Variants in GFM2 observed in about 807,000 individuals in gnomAD.
GFM2 encodes the protein ribosome-releasing factor 2, mitochondrial.
A neutral mutation model predicts 95.4 loss-of-function variants in GFM2; 72 were observed. The ratio of observed to expected loss-of-function variants is 0.76; its 90% confidence interval spans 0.62 to 0.92. The LOEUF is 0.92. GFM2 is among the 40% of genes least tolerant of loss of function. The pLI, the probability that GFM2 is intolerant of heterozygous loss-of-function variation, is 0.00. For synonymous variants in GFM2, 276 were observed against 317.5 expected (o/e 0.87, Z 1.39); for missense variants, 825 against 924.1 (o/e 0.89, Z 1.39).
intron 10 of GFM2, among the ~76,000 whole-genome samples, chr5:74,744,316 G>A (rs1363754745): frequency 6.6e-6 from 1 of 151,606 alleles, no homozygotes; most frequent in Non-Finnish European, 1.5e-5. Context: ...ACATTCATGT[G>A]GTCTGTTGTT....
In GFM2 at chr5:74,726,096, C is replaced by G. The variant is rs753724363; in HGVS notation, c.1757G>C (p.Arg586Thr). The change falls in exon 18 of 21, where the codon AGG (arginine) becomes ACG (threonine). Residue 586 changes from arginine to threonine, a missense_variant. Physicochemically the swap from Arg to Thr is moderately conservative, Grantham distance 71 (BLOSUM62 -1). Coordinates refer to ENST00000296805, the MANE Select transcript of GFM2 (RefSeq NM_032380.5). ...DTLDRTLGDK[R>T]HLVTVEVEAR... is the part of the protein sequence containing the mutation. Reference sequence around the variant, plus strand: ...TTCCACTTCTACAGTCACAAGATGCCTTTTGTCTCCTAAAGTTCTATCTAA... The same window carrying G: ...TTCCACTTCTACAGTCACAAGATGCGTTTTGTCTCCTAAAGTTCTATCTAA... The G allele has an allele frequency of 1.2e-6, 2 of 1,610,178 alleles. No homozygotes were observed. The highest frequency in any genetic ancestry group is 8.5e-7 in the Non-Finnish European group (1 of 1,178,930).
intron 3 of GFM2, 27 bp from the exon 4 acceptor site, chr5:74,759,453 CTG>C: frequency 8.1e-7 from 1 of 1,229,392 alleles, no homozygotes; most frequent in Non-Finnish European, 1.2e-6. Context: ...TAAAATTGAA[CTG>C]TTACATTTAT....
chr5:74,754,204 C>A (rs548286696), intron 5 of GFM2, among the ~76,000 whole-genome samples: 23 of 151,644 alleles, frequency 1.5e-4, no homozygotes, highest in African/African-American at 5.6e-4. Flanking sequence ...ACAAGAACTA[C>A]TAAAAGCAGC....
Position 74,728,770 on chromosome 5 carries a change from T to TGAGA in GFM2, c.1726+1489_1726+1490insTCTC, listed in dbSNP as rs1554038334. Among the ~76,000 whole-genome samples the TGAGA allele has an allele frequency of 7.1e-4, 81 of 113,838 alleles. 1 individual carries two copies. The highest frequency in any genetic ancestry group is 9.5e-4 in the Non-Finnish European group (54 of 57,058). 74.7% of individuals were successfully genotyped at this position (113,838 alleles called of 152,430 possible). A position where few individuals can be genotyped will look rare whatever the true frequency, so the allele number is the denominator to read the frequency against. On this transcript the variant is annotated intron_variant, in intron 17 of 20. Coordinates refer to ENST00000296805, the MANE Select transcript of GFM2 (RefSeq NM_032380.5). Reference sequence around the variant, plus strand: ...TTTCTTTTTTTTTTTTTTTTTTTTTTTTTTGAGATGGCGTCTCACTCTGTT... The same window carrying TGAGA: ...TTTCTTTTTTTTTTTTTTTTTTTTTTGAGATTTTGAGATGGCGTCTCACTCTGTT...
chr5:74,725,606 C>T (rs1750108068), intron 19 of GFM2, 34 bp downstream of exon 19: 1 of 1,425,102 alleles, frequency 7.0e-7, no homozygotes. Flanking sequence ...AGAAGAGTCA[C>T]CTTAAAGCCA....
At chr5:74,763,871 C>A in intron 1 of GFM2, 105 bp from the exon 2 acceptor site, 2 of 562,854 alleles carry the variant, frequency 3.6e-6, no homozygotes, top group South Asian at 3.1e-5. Flanking sequence ...AAATGTATTA[C>A]TTTTAAAAAG....
In GFM2 at chr5:74,722,400, A is replaced by G; in HGVS notation, c.2190T>C (p.Phe730=). Residue 730 remains phenylalanine, a synonymous_variant, in exon 20 of 21, where the codon TTT becomes TTC. Transcript: ENST00000296805. The part of the protein sequence containing the change: ...TRQDNKVVIG[F]VPLAEIMGYS... ...CTACCATAATTTCTGCTAAGGGAAC[A>G]AATCCAATAACAACTTTGTTGTCCT... 6.2e-7 allele frequency: 1 copy of G among 1,613,826 alleles called. No individual in the cohort carries two copies. The highest frequency in any genetic ancestry group is 8.5e-7 in the Non-Finnish European group (1 of 1,179,882).
chr5:74,740,189 A>G (rs772416581), intron 11 of GFM2, 52 bp from the exon 12 acceptor site: 2 of 1,503,846 alleles, frequency 1.3e-6, no homozygotes, highest in African/African-American at 1.4e-5. Flanking sequence ...GGTCTTGGCG[A>G]GAAGCTCAAA....
intron 20 of GFM2, 104 bp downstream of exon 20, chr5:74,722,275 T>A (rs1749931262): frequency 1.1e-6 from 1 of 939,704 alleles, no homozygotes; most frequent in Non-Finnish European, 1.6e-6. Flanking sequence ...ATTCTCTAAA[T>A]CAAAGCCTTA....
At chr5:74,727,203 A>G (rs951800182) in intron 17 of GFM2, among the ~76,000 whole-genome samples, 2 of 152,154 alleles carry the variant, frequency 1.3e-5, no homozygotes, top group African/African-American at 4.8e-5. Context: ...ATACGTTTAT[A>G]TATGAGTATA....
intron 5 of GFM2, among the ~76,000 whole-genome samples, chr5:74,755,555 A>G (rs1262879573): frequency 2.0e-5 from 3 of 152,218 alleles, no homozygotes; most frequent in African/African-American, 7.2e-5. Context: ...TATAACTGAT[A>G]CCACAGAAAT....
intron 15 of GFM2, among the ~76,000 whole-genome samples, chr5:74,735,128 GCCAGATGCATCATCA>G (rs756422311): frequency 9.0e-4 from 137 of 152,276 alleles, no homozygotes; most frequent in Admixed American, 1.5e-3. Flanking sequence ...TACTTAGGCA[GCCAGATGCATCATCA>G]CCTGATCCTT....
At chr5:74,730,997 G>A (rs1742534716) in intron 16 of GFM2, among the ~76,000 whole-genome samples, 1 of 152,024 alleles carries the variant, frequency 6.6e-6, no homozygotes, top group African/African-American at 2.4e-5. Flanking sequence ...ATTTTTAGTA[G>A]AGATGGGGTT....
At chr5:74,740,741 TAAAC>T (rs1743068968) in intron 11 of GFM2, among the ~76,000 whole-genome samples, 1 of 152,064 alleles carries the variant, frequency 6.6e-6, no homozygotes, top group Non-Finnish European at 1.5e-5. Flanking sequence ...CACTCAAAAA[TAAAC>T]AGTTTCAAAA....
At chr5:74,758,367 G>GTACC (rs1023732656) in intron 5 of GFM2, among the ~76,000 whole-genome samples, 1 of 152,174 alleles carries the variant, frequency 6.6e-6, no homozygotes, top group Non-Finnish European at 1.5e-5. Context: ...TGTATGGCAT[G>GTACC]TACCTTAGGT....
intron 10 of GFM2, among the ~76,000 whole-genome samples, chr5:74,743,963 T>C (rs192382717): frequency 6.6e-6 from 1 of 152,316 alleles, no homozygotes; most frequent in African/African-American, 2.4e-5. Flanking sequence ...TAGGCCCTCA[T>C]TAACTCAATA....
intron 19 of GFM2, among the ~76,000 whole-genome samples, chr5:74,723,585 T>C (rs1750016742): frequency 6.6e-6 from 1 of 152,202 alleles, no homozygotes; most frequent in South Asian, 2.1e-4. Context: ...TGTACTTTGA[T>C]ACTTCTCTCT....
At chr5:74,764,057 T>C (rs1342968675) in intron 1 of GFM2, among the ~76,000 whole-genome samples, 2 of 152,190 alleles carry the variant, frequency 1.3e-5, no homozygotes, top group South Asian at 2.1e-4. Context: ...TTACAAAACA[T>C]TGTATCAACC....
intron 10 of GFM2, among the ~76,000 whole-genome samples, chr5:74,744,187 T>C (rs1008621617): frequency 9.3e-6 from 1 of 107,918 alleles, no homozygotes; most frequent in East Asian, 2.0e-4. Context: ...TACAAATCCA[T>C]ACAGCATGTT....
Sources: allele counts gnomAD v4.1 joint callset (sites outside exome capture counted in the v4.1 genomes callset), GRCh38; gene constraint gnomAD v4.1.1; transcripts MANE v1.5; gene names NCBI Gene and HGNC (gene_info 2026-07-23, HGNC 2026-07-21).